Variants in SEMA6D observed in about 807,000 individuals in gnomAD.
The protein encoded by SEMA6D is semaphorin 6D, also known as semaphorin-6D.
Under a neutral mutation model 106.6 loss-of-function variants are expected in SEMA6D, and 35 were observed. That is an observed-to-expected ratio of 0.33 (90% confidence interval 0.25 to 0.44). The LOEUF (loss-of-function observed/expected upper bound fraction) is 0.44. Ranked by LOEUF, SEMA6D falls within the 20% of genes least tolerant of loss-of-function variation. The pLI is 1.00. For synonymous variants in SEMA6D, 499 were observed against 487.7 expected (o/e 1.02, Z -0.31); for missense variants, 1,185 against 1,345.9 (o/e 0.88, Z 1.87).
chr15:47,639,911 T>C (rs1289334544), intron 4 of SEMA6D, among the ~76,000 whole-genome samples: 1 of 152,210 alleles, frequency 6.6e-6, no homozygotes, highest in African/African-American at 2.4e-5. Context: ...ATACATTTAA[T>C]ATGATTTTCT....
chr15:47,242,401 C>A (rs1360202620), intron 1 of SEMA6D, among the ~76,000 whole-genome samples: 1 of 152,130 alleles, frequency 6.6e-6, no homozygotes, highest in Non-Finnish European at 1.5e-5. Flanking sequence ...ACAGGATCCT[C>A]AAAGCTGAGC....
chr15:47,253,458 C>G (rs921249652), intron 1 of SEMA6D, among the ~76,000 whole-genome samples: 2 of 152,054 alleles, frequency 1.3e-5, no homozygotes, highest in Non-Finnish European at 2.9e-5. Context: ...AAGCGTTTCC[C>G]AAGTGTTTTC....
intron 1 of SEMA6D, among the ~76,000 whole-genome samples, chr15:47,314,966 C>T (rs2036601696): frequency 1.4e-5 from 2 of 142,832 alleles, no homozygotes; most frequent in Middle Eastern, 4.0e-3. Flanking sequence ...CCCGGGTTCA[C>T]ACCATTCTCC....
intron 1 of SEMA6D, among the ~76,000 whole-genome samples, chr15:47,286,283 G>A (rs1029190060): frequency 2.6e-5 from 4 of 152,072 alleles, no homozygotes; most frequent in South Asian, 2.1e-4. Flanking sequence ...GGGCTATATG[G>A]CTGACTTGAA....
At chr15:47,721,968 G>T (rs1432038659) in intron 1 of SEMA6D, among the ~76,000 whole-genome samples, 3 of 152,028 alleles carry the variant, frequency 2.0e-5, no homozygotes, top group Non-Finnish European at 4.4e-5. Flanking sequence ...AGCACAGCTG[G>T]CTACAGCAAT....
intron 1 of SEMA6D, among the ~76,000 whole-genome samples, chr15:47,383,607 G>A (rs1394932442): frequency 6.6e-6 from 1 of 151,068 alleles, no homozygotes; most frequent in Non-Finnish European, 1.5e-5. Flanking sequence ...TATGGGTCAG[G>A]CAATGAGCTA....
chr15:47,361,810 G>A (rs1224532164), intron 1 of SEMA6D, among the ~76,000 whole-genome samples: 1 of 151,974 alleles, frequency 6.6e-6, no homozygotes. Context: ...CATTATGGCT[G>A]CTGTTCTCTT....
At chr15:47,418,477 C>T (rs974597516) in intron 2 of SEMA6D, among the ~76,000 whole-genome samples, 2 of 152,050 alleles carry the variant, frequency 1.3e-5, no homozygotes, top group South Asian at 4.2e-4. Context: ...GTTCATAGGC[C>T]GAGCCTTCTG....
At chr15:47,319,179 C>T (rs922242143) in intron 1 of SEMA6D, among the ~76,000 whole-genome samples, 10 of 152,186 alleles carry the variant, frequency 6.6e-5, no homozygotes, top group African/African-American at 2.4e-4. Context: ...ATTTCCATCT[C>T]TCTGCTTACA....
At chr15:47,267,915 C>T (rs142214452) in intron 1 of SEMA6D, among the ~76,000 whole-genome samples, 75 of 152,218 alleles carry the variant, frequency 4.9e-4, no homozygotes, top group Middle Eastern at 6.8e-3. Context: ...AGAAACATAA[C>T]TGCATCATTT....
chr15:47,661,700 G>C (rs1222590912), intron 4 of SEMA6D, among the ~76,000 whole-genome samples: 3 of 152,220 alleles, frequency 2.0e-5, no homozygotes, highest in Non-Finnish European at 4.4e-5. Context: ...GGTGATGCTA[G>C]AGTCCTTTTG....
Position 47,379,139 on chromosome 15 carries a change from C to T in SEMA6D, c.-238-33254C>T, listed in dbSNP as rs115689809. On this transcript the variant is annotated intron_variant, in intron 1 of 19. Coordinates refer to the SEMA6D transcript ENST00000558014. ...TATTGACACGGTTAACTGGTTAAGA[C>T]GTCTTTTATATTATCTCACTAATAA... Among the ~76,000 whole-genome samples, 691 of 152,252 alleles carry T rather than the reference C, an allele frequency of 4.5e-3. 9 individuals are homozygous for T. The highest frequency in any genetic ancestry group is 0.016 in the African/African-American group (667 of 41,542).
At chr15:47,583,274 A>G (rs1050573878) in intron 3 of SEMA6D, among the ~76,000 whole-genome samples, 1 of 152,168 alleles carries the variant, frequency 6.6e-6, no homozygotes, top group Non-Finnish European at 1.5e-5. Context: ...GCACTTTTTC[A>G]AAGCTTCCCC....
chr15:47,572,709 A>T (rs1206366482), intron 3 of SEMA6D, among the ~76,000 whole-genome samples: 2 of 152,214 alleles, frequency 1.3e-5, no homozygotes, highest in Non-Finnish European at 2.9e-5. Flanking sequence ...AGAAAAATAC[A>T]AACACAGAAT....
chr15:47,771,307 T>G lies in SEMA6D; in HGVS notation c.2744T>G (p.Met915Arg), dbSNP rs2082615633. The part of the protein sequence containing the change: ...QNLMLDPMGS[M>R]SEVPPKVPNR... ...TTAATGCTGGATCCCATGGGATCGA[T>G]GTCTGAGGTCCCACCTAAAGTCCCT... Residue 915 changes from methionine (M) to arginine (R), a missense_variant, in exon 19 of 19, where the codon ATG becomes AGG. By Grantham distance (91) the Met-to-Arg change is moderately conservative. Around this residue, in one of 3 missense-constraint regions of SEMA6D, gnomAD observed 750 missense variants for 783.5 expected, o/e 0.96. Coordinates refer to ENST00000536845, the MANE Select transcript of SEMA6D (RefSeq NM_001358351.3). The G allele has an allele frequency of 1.2e-6, 2 of 1,613,828 alleles. No homozygotes were observed. The highest frequency in any genetic ancestry group is 1.7e-6 in the Non-Finnish European group (2 of 1,179,962).
chr15:47,606,349 G>A (rs1384356123), intron 4 of SEMA6D: 2 of 152,166 alleles, frequency 1.3e-5, no homozygotes, highest in Non-Finnish European at 2.9e-5. Flanking sequence ...GTCAGGGGAA[G>A]TCCAGGCCTG....
Position 47,564,662 on chromosome 15 carries a change from A to C in SEMA6D, c.-86-36203A>C, listed in dbSNP as rs2046177112. Reference sequence around the variant, plus strand: ...TAGGGACAGGAGGCAGAGGAATTCTAGGGAGAAAAGGGCGGGATCCCTGGT... The same window carrying C: ...TAGGGACAGGAGGCAGAGGAATTCTCGGGAGAAAAGGGCGGGATCCCTGGT... On this transcript the variant is annotated intron_variant, in intron 3 of 19. Coordinates refer to the SEMA6D transcript ENST00000558014. 1.3e-5 allele frequency among the ~76,000 whole-genome samples: 2 copies of C among 152,180 alleles called. 1 individual carries two copies. The highest frequency in any genetic ancestry group is 4.1e-4 in the South Asian group (2 of 4,830).
At chr15:47,731,248 G>A (rs1025994118) in intron 1 of SEMA6D, among the ~76,000 whole-genome samples, 6 of 151,910 alleles carry the variant, frequency 3.9e-5, no homozygotes, top group African/African-American at 1.2e-4. Flanking sequence ...CAGCTCTCAG[G>A]GGTCGATGCC....
At chr15:47,351,464 A>G (rs925667837) in intron 1 of SEMA6D, among the ~76,000 whole-genome samples, 4 of 152,150 alleles carry the variant, frequency 2.6e-5, no homozygotes, top group African/African-American at 9.7e-5. Context: ...CATGTATATT[A>G]TCTCATTTAA....
Sources: allele counts gnomAD v4.1 joint callset (sites outside exome capture counted in the v4.1 genomes callset), GRCh38; gene constraint gnomAD v4.1.1; regional missense constraint gnomAD v4.1.1; transcripts MANE v1.5; gene names NCBI Gene and HGNC (gene_info 2026-07-23, HGNC 2026-07-21).